The following TFCP2L1 variants were observed in gnomAD, a reference collection of about 807,000 sequenced individuals.
The protein encoded by TFCP2L1 is transcription factor CP2-like protein 1.
In TFCP2L1, 12 loss-of-function variants were observed where a neutral mutation model predicts 72.2. The observed-to-expected ratio is 0.17, with a 90% CI of 0.11 to 0.27. The LOEUF is 0.27. Among genes scored for constraint, TFCP2L1 ranks in the 10% least tolerant of loss-of-function variants. The pLI is 1.00. For synonymous variants in TFCP2L1, 260 were observed against 251.0 expected (o/e 1.04, Z -0.34); for missense variants, 488 against 624.6 (o/e 0.78, Z 2.33).
intron 13 of TFCP2L1, among the ~76,000 whole-genome samples, chr2:121,228,324 G>A (rs1686072167): frequency 6.6e-6 from 1 of 152,020 alleles, no homozygotes; most frequent in Admixed American, 6.5e-5. Context: ...ATTTTGGAAT[G>A]CAAAGTGACA....
chr2:121,228,958 T>C (rs1294891556), intron 13 of TFCP2L1, among the ~76,000 whole-genome samples: 1 of 152,116 alleles, frequency 6.6e-6, no homozygotes, highest in African/African-American at 2.4e-5. Context: ...CTCGCTCTGT[T>C]GCCCCGGCTG....
At chr2:121,258,235 G>T (rs1573383647) in intron 2 of TFCP2L1, among the ~76,000 whole-genome samples, 1 of 152,254 alleles carries the variant, frequency 6.6e-6, no homozygotes. Context: ...ATGGGCCCTC[G>T]CCTCACACAT....
At chr2:121,258,216 T>C (rs938181688) in intron 2 of TFCP2L1, among the ~76,000 whole-genome samples, 1 of 152,168 alleles carries the variant, frequency 6.6e-6, no homozygotes, top group African/African-American at 2.4e-5. Context: ...AGGACAGCGA[T>C]GTGGGGAAAT....
chr2:121,247,550 T>TAA lies in TFCP2L1; in HGVS notation c.505-582_505-581dup, dbSNP rs368752705. 6.4e-3 allele frequency among the ~76,000 whole-genome samples: 912 copies of TAA among 142,954 alleles called. 13 individuals are homozygous for TAA. The highest frequency in any genetic ancestry group is 0.022 in the African/African-American group (863 of 39,114). 93.8% of individuals were successfully genotyped at this position (142,954 alleles called of 152,430 possible). On this transcript the variant is annotated intron_variant, in intron 5 of 14. Coordinates refer to ENST00000263707, the MANE Select transcript of TFCP2L1 (RefSeq NM_014553.3). The stretch of plus-strand genomic sequence containing the variant: ...AAACATATTAAGAGTATTGTAATTG[T>TAA]AAAAAAAAAAAAAGAGAAAGAAAAG...
At chr2:121,264,981 A>G (rs571524245) in intron 2 of TFCP2L1, among the ~76,000 whole-genome samples, 31 of 152,242 alleles carry the variant, frequency 2.0e-4, no homozygotes, top group South Asian at 4.1e-4. Flanking sequence ...TACAAATATA[A>G]CCAAGAGAAA....
At position 121,248,196 on chromosome 2, in the gene TFCP2L1, C is replaced by T. The variant is rs1194132214; in HGVS notation, c.472G>A (p.Asp158Asn). 6.2e-7 allele frequency: 1 copy of T among 1,613,892 alleles called. No homozygotes were observed. Among genetic ancestry groups the T allele is most frequent in the Non-Finnish European group, 8.5e-7 (1 of 1,179,996 alleles). Residue 158 changes from aspartate to asparagine, a missense_variant, in exon 5 of 15, where the codon GAC becomes AAC. Transcript: ENST00000263707. ...AATGCAGAAGCTCTCTTCGCAGGGT[C>T]CCACAAAAACTCGACTGCATTCAGC... ...TQLNAVEFLW[D>N]PAKRASAFIQ...
chr2:121,237,836 G>C lies in TFCP2L1; in HGVS notation c.875C>G (p.Thr292Ser). 1.2e-6 allele frequency: 2 copies of C among 1,614,112 alleles called. No homozygotes were observed. Among genetic ancestry groups the C allele is most frequent in the Non-Finnish European group, 1.7e-6 (2 of 1,180,022 alleles). The change falls in exon 9 of 15, where the codon ACC becomes AGC. Residue 292 changes from threonine (T) to serine (S), a missense_variant. By Grantham distance (58) the Thr-to-Ser change is moderately conservative. Around this residue, in one of 3 missense-constraint regions of TFCP2L1, gnomAD observed 286 missense variants for 329.0 expected, o/e 0.87. Coordinates refer to ENST00000263707, the MANE Select transcript of TFCP2L1 (RefSeq NM_014553.3). The part of the protein sequence containing the change: ...FGLGEGNASP[T>S]HPVEALPVGS... Reference sequence around the variant, plus strand: ...CACGGGCAGGGCCTCCACCGGGTGGGTCGGAGAGGCGTTGCTGCAAGGAAA... The same window carrying C: ...CACGGGCAGGGCCTCCACCGGGTGGCTCGGAGAGGCGTTGCTGCAAGGAAA...
chr2:121,275,602 G>C (rs370179613), intron 2 of TFCP2L1, among the ~76,000 whole-genome samples: 41 of 133,102 alleles, frequency 3.1e-4, no homozygotes, highest in African/African-American at 1.1e-3. Flanking sequence ...ACAGGGTCTC[G>C]TTCTATCACC....
intron 13 of TFCP2L1, among the ~76,000 whole-genome samples, chr2:121,231,099 TGA>T (rs1177983577): frequency 1.3e-5 from 2 of 152,090 alleles, no homozygotes; most frequent in Non-Finnish European, 2.9e-5. Context: ...CCCGCATCTG[TGA>T]AATGGGATAA....
At chr2:121,243,599 G>A (rs371269509) in intron 6 of TFCP2L1, among the ~76,000 whole-genome samples, 5 of 152,096 alleles carry the variant, frequency 3.3e-5, no homozygotes, top group East Asian at 1.9e-4. Flanking sequence ...TCTGCCTCCC[G>A]TGTCAGACCA....
At chr2:121,234,066 C>T (rs1337514589) in intron 12 of TFCP2L1, 25 bp downstream of exon 12, 1 of 1,604,378 alleles carries the variant, frequency 6.2e-7, no homozygotes, top group Admixed American at 1.7e-5. Flanking sequence ...ATGTGTGGGT[C>T]CCAGCTCTGC....
At chr2:121,239,239 C>T (rs924612219) in intron 8 of TFCP2L1, among the ~76,000 whole-genome samples, 1 of 152,206 alleles carries the variant, frequency 6.6e-6, no homozygotes, top group Non-Finnish European at 1.5e-5. Context: ...CAGCTGCTCC[C>T]TAAGGCACCA....
At chr2:121,270,531 A>C (rs551842713) in intron 2 of TFCP2L1, among the ~76,000 whole-genome samples, 1 of 152,338 alleles carries the variant, frequency 6.6e-6, no homozygotes, top group South Asian at 2.1e-4. Flanking sequence ...TTCACGGATT[A>C]CTAGAGCACG....
chr2:121,260,976 G>A (rs1057357865), intron 2 of TFCP2L1, among the ~76,000 whole-genome samples: 1 of 152,246 alleles, frequency 6.6e-6, no homozygotes, highest in African/African-American at 2.4e-5. Context: ...TGAGAAAGGA[G>A]GGCTGGATGC....
intron 1 of TFCP2L1, among the ~76,000 whole-genome samples, chr2:121,281,580 G>A (rs1008326577): frequency 2.6e-5 from 4 of 152,190 alleles, no homozygotes; most frequent in Middle Eastern, 6.4e-3. Context: ...CCAGAGACAG[G>A]CTAGCAGCAA....
chr2:121,264,154 T>C (rs1219215280), intron 2 of TFCP2L1, among the ~76,000 whole-genome samples: 2 of 152,168 alleles, frequency 1.3e-5, no homozygotes, highest in East Asian at 1.9e-4. Context: ...GCCACATCAA[T>C]TGACCCCAGG....
intron 2 of TFCP2L1, among the ~76,000 whole-genome samples, chr2:121,264,599 T>C (rs2104736809): frequency 6.6e-6 from 1 of 152,336 alleles, no homozygotes. Flanking sequence ...GTGGCCTTGC[T>C]GTCTGCTATC....
intron 2 of TFCP2L1, among the ~76,000 whole-genome samples, chr2:121,269,755 A>C (rs1306998997): frequency 6.6e-6 from 1 of 151,908 alleles, no homozygotes; most frequent in Non-Finnish European, 1.5e-5. Flanking sequence ...CTAAAAATAC[A>C]AAAATTAGCC....
chr2:121,277,169 T>C (rs1687164717), intron 2 of TFCP2L1, among the ~76,000 whole-genome samples: 1 of 149,898 alleles, frequency 6.7e-6, no homozygotes, highest in Non-Finnish European at 1.5e-5. Flanking sequence ...TCAATAAATG[T>C]ATTTTAAAAT....
Sources: gnomAD v4.1 joint callset for allele counts (sites outside exome capture counted in the v4.1 genomes callset) on GRCh38, gnomAD v4.1.1 for gene constraint, gnomAD v4.1.1 regional missense constraint, MANE v1.5 for transcripts, NCBI Gene and HGNC (gene_info 2026-07-23, HGNC 2026-07-21) for gene names.